Variants in TRPM3 observed in about 807,000 individuals in gnomAD.
TRPM3 encodes the protein long transient receptor potential channel 3.
In TRPM3, 77 loss-of-function variants were observed where a neutral mutation model predicts 181.2. The observed-to-expected ratio is 0.42, with a 90% CI of 0.35 to 0.51. The LOEUF (loss-of-function observed/expected upper bound fraction) is 0.51. Among genes scored for constraint, TRPM3 ranks in the 20% least tolerant of loss-of-function variants. The pLI, the probability that TRPM3 is intolerant of heterozygous loss-of-function variation, is 0.01. For synonymous variants in TRPM3, 745 were observed against 796.4 expected (o/e 0.94, Z 1.09); for missense variants, 1,759 against 2,196.7 (o/e 0.80, Z 3.98).
chr9:71,110,728 C>G (rs1280726235), intron 1 of TRPM3, among the ~76,000 whole-genome samples: 1 of 152,124 alleles, frequency 6.6e-6, no homozygotes, highest in Non-Finnish European at 1.5e-5. Context: ...TTAATTAATG[C>G]AGAATCAATT....
At chr9:71,377,493 C>A (rs1315877851) in intron 1 of TRPM3, among the ~76,000 whole-genome samples, 3 of 151,996 alleles carry the variant, frequency 2.0e-5, no homozygotes, top group African/African-American at 7.2e-5. Context: ...ATGGACCTTG[C>A]CAGAACCAAC....
chr9:71,354,182 C>G (rs2091794176), intron 1 of TRPM3, among the ~76,000 whole-genome samples: 1 of 152,134 alleles, frequency 6.6e-6, no homozygotes. Flanking sequence ...AACCCTCACT[C>G]CCCAAAACTC....
chr9:70,554,296 A>G (rs1299506794), intron 22 of TRPM3, among the ~76,000 whole-genome samples: 3 of 152,184 alleles, frequency 2.0e-5, no homozygotes, highest in Admixed American at 6.5e-5. Context: ...CCAGCCCCCT[A>G]TAATGGCTTT....
At chr9:71,342,755 C>A (rs2091042848) in intron 1 of TRPM3, among the ~76,000 whole-genome samples, 1 of 152,058 alleles carries the variant, frequency 6.6e-6, no homozygotes. Flanking sequence ...CAAAAACCTG[C>A]ACAACATATT....
At chr9:70,808,199 A>G (rs2091120855) in intron 6 of TRPM3, among the ~76,000 whole-genome samples, 1 of 152,222 alleles carries the variant, frequency 6.6e-6, no homozygotes, top group African/African-American at 2.4e-5. Context: ...CTGACCAACA[A>G]CAGTAAACAT....
At chr9:71,281,561 C>T (rs1040775009) in intron 1 of TRPM3, among the ~76,000 whole-genome samples, 8 of 152,166 alleles carry the variant, frequency 5.3e-5, no homozygotes, top group African/African-American at 9.7e-5. Flanking sequence ...TTTAGAGCCA[C>T]GTCTGTCTTT....
At chr9:71,325,295 G>A (rs1809076980) in intron 1 of TRPM3, among the ~76,000 whole-genome samples, 1 of 152,154 alleles carries the variant, frequency 6.6e-6, no homozygotes, top group African/African-American at 2.4e-5. Context: ...CAATTTCTAT[G>A]TTGCAGGCCA....
At chr9:71,127,745 A>G (rs545047972) in intron 1 of TRPM3, among the ~76,000 whole-genome samples, 2 of 152,348 alleles carry the variant, frequency 1.3e-5, no homozygotes, top group East Asian at 1.9e-4. Context: ...TATGTAGCAT[A>G]GTCCATAAGC....
At chr9:71,043,814 A>G (rs73480109) in intron 1 of TRPM3, among the ~76,000 whole-genome samples, 11,687 of 152,204 alleles carry the variant, frequency 0.077, 1,519 homozygotes, top group African/African-American at 0.26. Flanking sequence ...ATTTCAGTGC[A>G]GTATACCATC....
intron 1 of TRPM3, among the ~76,000 whole-genome samples, chr9:71,165,558 C>T (rs991267861): frequency 6.6e-6 from 1 of 152,078 alleles, no homozygotes; most frequent in Admixed American, 6.6e-5. Context: ...TTCCTCTTCT[C>T]AAGGGGTCTA....
At chr9:71,186,112 T>C (rs2077663170) in intron 1 of TRPM3, among the ~76,000 whole-genome samples, 2 of 152,150 alleles carry the variant, frequency 1.3e-5, no homozygotes, top group South Asian at 4.2e-4. Flanking sequence ...AGCATTCACC[T>C]TGTGCCTCTC....
At chr9:70,785,347 T>G (rs1000041967) in intron 6 of TRPM3, among the ~76,000 whole-genome samples, 1 of 152,188 alleles carries the variant, frequency 6.6e-6, no homozygotes, top group African/African-American at 2.4e-5. Flanking sequence ...AAAAATTCAT[T>G]TTTAAGTGAC....
intron 1 of TRPM3, among the ~76,000 whole-genome samples, chr9:71,031,982 A>G (rs1565021570): frequency 6.0e-3 from 7 of 1,176 alleles, no homozygotes; most frequent in Non-Finnish European, 7.4e-3. Flanking sequence ...TTATATATAT[A>G]TATATTATAT....
chr9:71,199,694 G>C (rs1006882652), intron 1 of TRPM3, among the ~76,000 whole-genome samples: 3 of 151,452 alleles, frequency 2.0e-5, no homozygotes, highest in Non-Finnish European at 4.4e-5. Flanking sequence ...ATGGTAGTTT[G>C]TATTTCTGTG....
At chr9:70,778,258 C>T (rs530835222) in intron 7 of TRPM3, among the ~76,000 whole-genome samples, 3 of 152,276 alleles carry the variant, frequency 2.0e-5, no homozygotes, top group East Asian at 3.9e-4. Flanking sequence ...ATAGGATTCT[C>T]GTGAAGAATG....
chr9:70,942,197 T>C (rs1198853357), intron 1 of TRPM3, among the ~76,000 whole-genome samples: 1 of 152,196 alleles, frequency 6.6e-6, no homozygotes, highest in Non-Finnish European at 1.5e-5. Flanking sequence ...CCTAAAAGTC[T>C]AATCCAGGAC....
At chr9:71,306,298 A>G (rs1381884865) in intron 1 of TRPM3, among the ~76,000 whole-genome samples, 5 of 152,220 alleles carry the variant, frequency 3.3e-5, no homozygotes, top group Non-Finnish European at 5.9e-5. Flanking sequence ...AGAGCCACGC[A>G]GCAAATGACT....
intron 1 of TRPM3, among the ~76,000 whole-genome samples, chr9:71,181,734 T>A (rs547458839): frequency 1.6e-4 from 25 of 152,280 alleles, no homozygotes; most frequent in East Asian, 9.7e-4. Context: ...ACTTTTCTTT[T>A]CTCGTTATCT....
rs2088924811 is a variant in TRPM3, at chr9:70,801,288, T to C, written c.974-17009A>G. On this transcript the variant is annotated intron_variant, in intron 6 of 25. Transcript: ENST00000677713. ...TGAGTTTATTCATTGCTTCTTGTCT[T>C]TCTGGCTTAAAAGGGCCAAGGCTCA... 2.6e-5 allele frequency among the ~76,000 whole-genome samples: 4 copies of C among 152,312 alleles called. No individual in the cohort carries two copies. The South Asian group carries it at 8.3e-4, about 32-fold the overall frequency.
Sources: gnomAD v4.1 joint callset for allele counts (sites outside exome capture counted in the v4.1 genomes callset) on GRCh38, gnomAD v4.1.1 for gene constraint, MANE v1.5 for transcripts, NCBI Gene and HGNC (gene_info 2026-07-23, HGNC 2026-07-21) for gene names.